GABRB2: variants seen among roughly 807,000 people sequenced by gnomAD.
GABRB2 encodes gamma-aminobutyric acid type A receptor subunit beta2, also known as gamma-aminobutyric acid receptor subunit beta-2.
GABRB2 carries 16 observed loss-of-function variants against 54.7 expected under a neutral mutation model. The observed-to-expected ratio is 0.29, with a 90% CI of 0.20 to 0.44. The LOEUF is 0.44. Among genes scored for constraint, GABRB2 ranks in the 20% least tolerant of loss-of-function variants. The probability of loss-of-function intolerance (pLI) is 1.00; values close to 1 mark genes in which losing one functional copy is unlikely to be tolerated. For missense variants in GABRB2, 355 were observed against 644.0 expected (o/e 0.55, Z 4.86); for synonymous variants, 244 against 233.8 (o/e 1.04, Z -0.40).
intron 3 of GABRB2, among the ~76,000 whole-genome samples, chr5:161,526,058 G>A (rs1315788706): frequency 2.0e-5 from 3 of 151,240 alleles, no homozygotes; most frequent in Non-Finnish European, 4.4e-5. Context: ...CAACACAGGA[G>A]TTACAATTCA....
chr5:161,380,336 C>T (rs1243286462), intron 5 of GABRB2, among the ~76,000 whole-genome samples: 2 of 152,070 alleles, frequency 1.3e-5, no homozygotes, highest in African/African-American at 4.8e-5. Context: ...GTCACCTAGG[C>T]CCTGGAAAGC....
chr5:161,498,808 G>A lies in GABRB2; in HGVS notation c.238-38964C>T, dbSNP rs116235699. On this transcript the variant is annotated intron_variant, in intron 3 of 9. Coordinates refer to ENST00000393959, the MANE Select transcript of GABRB2 (RefSeq NM_001371727.1). ...CAAGGCTCAGGGCATAAAAGCCCTC[G>A]TGGCTTCTGGAATGTGCACAGACTT... Among the ~76,000 whole-genome samples the A allele has an allele frequency of 8.3e-3, 1,259 of 152,178 alleles. 18 individuals are homozygous for A. The highest frequency in any genetic ancestry group is 0.029 in the African/African-American group (1,197 of 41,526).
At chr5:161,507,370 A>C (rs1210969783) in intron 3 of GABRB2, among the ~76,000 whole-genome samples, 1 of 152,130 alleles carries the variant, frequency 6.6e-6, no homozygotes, top group Non-Finnish European at 1.5e-5. Flanking sequence ...TGATAAATAT[A>C]ACATGGTTAT....
intron 5 of GABRB2, among the ~76,000 whole-genome samples, chr5:161,354,415 G>A (rs925768588): frequency 1.2e-4 from 18 of 151,998 alleles, no homozygotes; most frequent in African/African-American, 4.3e-4. Context: ...ATATCTAAGA[G>A]AATGAATAAC....
At chr5:161,393,032 G>GAC (rs1491094144) in intron 5 of GABRB2, among the ~76,000 whole-genome samples, 2 of 151,846 alleles carry the variant, frequency 1.3e-5, no homozygotes, top group African/African-American at 2.4e-5. Flanking sequence ...AGAAATGACT[G>GAC]CCAGAAGGAC....
intron 5 of GABRB2, among the ~76,000 whole-genome samples, chr5:161,378,692 A>G (rs1400277254): frequency 2.6e-5 from 4 of 152,228 alleles, no homozygotes; most frequent in Non-Finnish European, 4.4e-5. Context: ...GCTAAAAATA[A>G]CATTTAATAT....
At chr5:161,446,465 A>G (rs1056829272) in intron 4 of GABRB2, among the ~76,000 whole-genome samples, 6 of 152,142 alleles carry the variant, frequency 3.9e-5, no homozygotes, top group African/African-American at 1.4e-4. Context: ...AATTCTGAGT[A>G]CGTCCCTGTC....
chr5:161,435,457 G>T (rs1757281811), intron 4 of GABRB2, among the ~76,000 whole-genome samples: 5 of 152,148 alleles, frequency 3.3e-5, no homozygotes, highest in Admixed American at 3.3e-4. Context: ...AGGAAATTCT[G>T]CCTAACCTGT....
intron 4 of GABRB2, among the ~76,000 whole-genome samples, chr5:161,414,840 T>C (rs571147472): frequency 2.2e-4 from 34 of 152,202 alleles, no homozygotes; most frequent in South Asian, 4.1e-4. Flanking sequence ...ATTATCTATA[T>C]TTAGTAAGTG....
intron 9 of GABRB2, among the ~76,000 whole-genome samples, chr5:161,297,368 G>A (rs1045624972): frequency 6.6e-6 from 1 of 152,104 alleles, no homozygotes; most frequent in Non-Finnish European, 1.5e-5. Context: ...GTGCCATGGT[G>A]GTTTGCTGCA....
In GABRB2 at chr5:161,291,307, T is replaced by A. The variant is rs1757231736; in HGVS notation, c.*2774A>T. On this transcript the variant is annotated 3_prime_UTR_variant, in exon 10 of 10. Transcript: ENST00000393959. The stretch of plus-strand genomic sequence containing the variant: ...TGTATAAACTGATAGTAATCCCATA[T>A]CAGAACTACTAAACACACCTTTGTG... The A allele has an allele frequency of 6.6e-6, 1 of 152,186 alleles. No individual in the cohort carries two copies. The highest frequency in any genetic ancestry group is 2.4e-5 in the African/African-American group (1 of 41,458). 9.4% of individuals were successfully genotyped at this position (152,186 alleles called of 1,614,324 possible). A position where few individuals can be genotyped will look rare whatever the true frequency, so the allele number is the denominator to read the frequency against.
chr5:161,512,743 G>A (rs1279746637), intron 3 of GABRB2, among the ~76,000 whole-genome samples: 2 of 152,002 alleles, frequency 1.3e-5, no homozygotes, highest in African/African-American at 4.8e-5. Context: ...AAGAGCGTCT[G>A]CACAGCAAAA....
intron 9 of GABRB2, among the ~76,000 whole-genome samples, chr5:161,324,720 T>C (rs907606138): frequency 4.6e-5 from 7 of 152,136 alleles, no homozygotes; most frequent in Non-Finnish European, 8.8e-5. Flanking sequence ...TTTCAAATAC[T>C]AGACCTTATT....
At chr5:161,338,451 C>G (rs994594578) in intron 5 of GABRB2, among the ~76,000 whole-genome samples, 1 of 152,122 alleles carries the variant, frequency 6.6e-6, no homozygotes, top group African/African-American at 2.4e-5. Context: ...GTAGAGCCAT[C>G]TGCTTTGCTA....
At chr5:161,477,795 A>G (rs1196803162) in intron 3 of GABRB2, among the ~76,000 whole-genome samples, 7 of 152,072 alleles carry the variant, frequency 4.6e-5, no homozygotes, top group African/African-American at 1.7e-4. Flanking sequence ...AGTGGTTTTC[A>G]GGAGCTGGGG....
chr5:161,543,067 G>A (rs1432855296), intron 3 of GABRB2, among the ~76,000 whole-genome samples: 2 of 152,230 alleles, frequency 1.3e-5, no homozygotes, highest in African/African-American at 4.8e-5. Flanking sequence ...AAATCCATGG[G>A]TGTAGCATAA....
chr5:161,371,070 CAGACTGGGCACTA>C (rs1432813668), intron 5 of GABRB2, among the ~76,000 whole-genome samples: 1 of 152,156 alleles, frequency 6.6e-6, no homozygotes, highest in Non-Finnish European at 1.5e-5. Flanking sequence ...GACAGCTGGT[CAGACTGGGCACTA>C]AGAGAGTGTT....
Position 161,493,780 on chromosome 5 carries a change from G to T in GABRB2, c.238-33936C>A, listed in dbSNP as rs1438457918. ...TGGTACAGAGGAAAACTACCAATTT[G>T]ATAGAAGTATCTGACCAACTTCATG... On this transcript the variant is annotated intron_variant, in intron 3 of 9. Transcript: ENST00000393959. Among the ~76,000 whole-genome samples the T allele has an allele frequency of 2.0e-5, 3 of 151,728 alleles. No individual in the cohort carries two copies. In the East Asian group the frequency reaches 5.8e-4, roughly 29 times the overall value.
At chr5:161,433,667 AT>A (rs1487529622) in intron 4 of GABRB2, among the ~76,000 whole-genome samples, 1 of 152,040 alleles carries the variant, frequency 6.6e-6, no homozygotes, top group Non-Finnish European at 1.5e-5. Flanking sequence ...TATGCTTATT[AT>A]TTTTATGAAT....
Sources: gnomAD v4.1 joint callset for allele counts (sites outside exome capture counted in the v4.1 genomes callset) on GRCh38, gnomAD v4.1.1 for gene constraint, MANE v1.5 for transcripts, NCBI Gene and HGNC (gene_info 2026-07-23, HGNC 2026-07-21) for gene names.